GPM6A: variants seen among roughly 807,000 people sequenced by gnomAD.
GPM6A encodes neuronal membrane glycoprotein M6-a.
In GPM6A, 7 loss-of-function variants were observed where a neutral mutation model predicts 32.1. The ratio of observed to expected loss-of-function variants is 0.22; its 90% CI spans 0.12 to 0.41. The LOEUF is 0.41. GPM6A is among the 10% of genes least tolerant of loss of function. The pLI is 1.00. For synonymous variants in GPM6A, 130 were observed against 123.4 expected (o/e 1.05, Z -0.35); for missense variants, 235 against 347.2 (o/e 0.68, Z 2.57).
intron 1 of GPM6A, among the ~76,000 whole-genome samples, chr4:175,889,601 G>A (rs1002867157): frequency 6.6e-6 from 1 of 151,528 alleles, no homozygotes; most frequent in Non-Finnish European, 1.5e-5. Context: ...GGATCACAAC[G>A]TCAGGAGATT....
intron 1 of GPM6A, among the ~76,000 whole-genome samples, chr4:175,785,997 GA>G (rs200905394): frequency 3.3e-5 from 5 of 150,354 alleles, no homozygotes; most frequent in South Asian, 4.2e-4. Context: ...AGAGAAAAAA[GA>G]AAAAAAAATA....
chr4:175,881,709 C>T (rs1187485130), intron 1 of GPM6A, among the ~76,000 whole-genome samples: 1 of 152,112 alleles, frequency 6.6e-6, no homozygotes, highest in Non-Finnish European at 1.5e-5. Flanking sequence ...ATGGATGAAG[C>T]TGGAAACCAT....
At chr4:175,693,421 C>T (rs17061803) in intron 2 of GPM6A, among the ~76,000 whole-genome samples, 7,139 of 151,570 alleles carry the variant, frequency 0.047, 201 homozygotes, top group Non-Finnish European at 0.062. Flanking sequence ...ATTTGTGAAA[C>T]ATGAACTATT....
intron 1 of GPM6A, among the ~76,000 whole-genome samples, chr4:175,781,740 T>C (rs569868451): frequency 5.9e-5 from 9 of 152,306 alleles, no homozygotes; most frequent in Middle Eastern, 3.4e-3. Flanking sequence ...TGTGGAACTT[T>C]GGGTGTGCTA....
intron 1 of GPM6A, among the ~76,000 whole-genome samples, chr4:175,712,660 A>C (rs1745619075): frequency 6.6e-6 from 1 of 152,204 alleles, no homozygotes; most frequent in East Asian, 1.9e-4. Context: ...TAAGAGAACA[A>C]TTAAATCAAG....
chr4:175,635,125 G>C (rs375444782), intron 6 of GPM6A, 68 bp from the exon 7 acceptor site: 1 of 1,198,810 alleles, frequency 8.3e-7, no homozygotes, highest in Non-Finnish European at 1.2e-6. Context: ...TTGCTATCTC[G>C]AAAGAAGTCT....
chr4:175,812,070 G>T, intron 1 of GPM6A, 121 bp downstream of exon 1: 1 of 722,934 alleles, frequency 1.4e-6, no homozygotes, highest in Non-Finnish European at 2.3e-6. Flanking sequence ...TAAAGGAGAG[G>T]AAGGAACAAA....
Position 175,636,297 on chromosome 4 carries a change from T to TATATAC in GPM6A, c.685-1241_685-1240insGTATAT, listed in dbSNP as rs1491118582. On this transcript the variant is annotated intron_variant, in intron 6 of 6. Transcript: ENST00000393658. The stretch of plus-strand genomic sequence containing the variant: ...ATATATATATATATATATATATATA[T>TATATAC]ACATATATATATGGATTAAATAAGG... Among the ~76,000 whole-genome samples the TATATAC allele has an allele frequency of 8.9e-4, 118 of 132,078 alleles. 1 individual carries two copies. Among genetic ancestry groups the TATATAC allele is most frequent in the African/African-American group, 2.1e-3 (74 of 34,858 alleles). The allele number at this position is 132,078 out of a possible 152,430, so 86.6% of individuals were successfully genotyped here.
rs559914024 is a variant in GPM6A at position 175,876,625 on chromosome 4, G to A, written c.-22-64376C>T. ...TAAGACATTTGAAAATGCCACCTAA[G>A]AAGATCACACTAAAGAGACCTGAAA... On this transcript the variant is annotated intron_variant, in intron 1 of 7. Transcript: ENST00000280187. 2.0e-5 allele frequency among the ~76,000 whole-genome samples: 3 copies of A among 152,218 alleles called. No homozygotes were observed. The South Asian group carries it at 6.2e-4, about 32-fold the overall frequency.
At chr4:175,741,770 T>A (rs1254498733) in intron 1 of GPM6A, among the ~76,000 whole-genome samples, 1 of 152,126 alleles carries the variant, frequency 6.6e-6, no homozygotes, top group African/African-American at 2.4e-5. Context: ...TAGTTGGCGC[T>A]ATTATATTCC....
intron 1 of GPM6A, among the ~76,000 whole-genome samples, chr4:175,876,956 G>C (rs935999649): frequency 1.3e-5 from 2 of 152,158 alleles, no homozygotes; most frequent in African/African-American, 4.8e-5. Context: ...ACAGGATTCT[G>C]CATAAACAGA....
intron 1 of GPM6A, among the ~76,000 whole-genome samples, chr4:175,886,380 C>T (rs1373171502): frequency 1.3e-5 from 2 of 152,136 alleles, no homozygotes; most frequent in African/African-American, 4.8e-5. Context: ...GAGAAAATAA[C>T]TGTCAAGCTA....
intron 1 of GPM6A, among the ~76,000 whole-genome samples, chr4:175,895,036 T>G (rs1365472859): frequency 4.6e-5 from 7 of 152,162 alleles, no homozygotes; most frequent in Non-Finnish European, 7.4e-5. Context: ...TGTGTTACTT[T>G]GTGTTTCAGG....
chr4:175,911,202 A>G (rs1738303993), intron 1 of GPM6A, among the ~76,000 whole-genome samples: 1 of 152,142 alleles, frequency 6.6e-6, no homozygotes, highest in South Asian at 2.1e-4. Flanking sequence ...TGACGTTAGG[A>G]TCCTTCTCTT....
intron 1 of GPM6A, among the ~76,000 whole-genome samples, chr4:175,757,482 A>G (rs1231361153): frequency 6.6e-6 from 1 of 152,140 alleles, no homozygotes; most frequent in Non-Finnish European, 1.5e-5. Context: ...ATGTCACTAA[A>G]ATGTATTACG....
At chr4:175,884,803 G>A (rs917917628) in intron 1 of GPM6A, among the ~76,000 whole-genome samples, 19 of 151,908 alleles carry the variant, frequency 1.3e-4, no homozygotes, top group Non-Finnish European at 2.6e-4. Context: ...CAAAGTGCTG[G>A]GATTACAGGG....
At chr4:175,657,718 G>T (rs550956172) in intron 3 of GPM6A, among the ~76,000 whole-genome samples, 20 of 152,118 alleles carry the variant, frequency 1.3e-4, no homozygotes, top group African/African-American at 4.6e-4. Context: ...TTTGTTAAGG[G>T]GACTGTCCTG....
intron 1 of GPM6A, among the ~76,000 whole-genome samples, chr4:175,742,577 T>C (rs886843480): frequency 6.6e-5 from 10 of 152,164 alleles, no homozygotes; most frequent in Admixed American, 5.2e-4. Flanking sequence ...CATCAGAAAA[T>C]GGACATTTAG....
intron 1 of GPM6A, among the ~76,000 whole-genome samples, chr4:175,712,796 C>T (rs150362676): frequency 2.0e-5 from 3 of 152,320 alleles, no homozygotes; most frequent in East Asian, 3.9e-4. Context: ...TTCTTCTACA[C>T]ACTGTGTATA....
Sources: gnomAD v4.1 joint callset for allele counts (sites outside exome capture counted in the v4.1 genomes callset) on GRCh38, gnomAD v4.1.1 for gene constraint, MANE v1.5 for transcripts, NCBI Gene and HGNC (gene_info 2026-07-23, HGNC 2026-07-21) for gene names.